The following SHOC2 variants were observed in gnomAD, a reference collection of about 807,000 sequenced individuals.
The protein encoded by SHOC2 is SHOC2 leucine rich repeat scaffold protein, also known as leucine-rich repeat protein SHOC-2.
Under a neutral mutation model 50.2 loss-of-function variants are expected in SHOC2, and 4 were observed. That is an observed-to-expected ratio of 0.08 (90% CI 0.04 to 0.18). The LOEUF (loss-of-function observed/expected upper bound fraction) is 0.18, where lower values mean the gene tolerates loss of function less well. Among genes scored for constraint, SHOC2 ranks in the 10% least tolerant of loss-of-function variants. The pLI, the probability that SHOC2 is intolerant of heterozygous loss-of-function variation, is 1.00. For synonymous variants in SHOC2, 218 were observed against 244.5 expected, an observed-to-expected ratio of 0.89 and a Z score of 1.01; for missense variants, 388 against 669.6, an observed-to-expected ratio of 0.58 and a Z score of 4.64.
chr10:110,954,554 AAAGATGCT>A (rs1847421002), intron 1 of SHOC2, among the ~76,000 whole-genome samples: 1 of 152,218 alleles, frequency 6.6e-6, no homozygotes, highest in Non-Finnish European at 1.5e-5. Context: ...AGGAACTGAT[AAAGATGCT>A]AACAGTATAT....
intron 2 of SHOC2, among the ~76,000 whole-genome samples, chr10:110,982,903 G>A (rs1046677982): frequency 6.6e-6 from 1 of 152,028 alleles, no homozygotes; most frequent in Non-Finnish European, 1.5e-5. Flanking sequence ...CATAAAATCG[G>A]TGTTAATTCA....
chr10:110,952,184 T>TA (rs1388333734), intron 1 of SHOC2, among the ~76,000 whole-genome samples: 2 of 152,178 alleles, frequency 1.3e-5, no homozygotes, highest in Admixed American at 1.3e-4. Flanking sequence ...TTTTTCCAGT[T>TA]AAATTTTTAA....
At chr10:110,927,411 C>T (rs1376849434) in intron 1 of SHOC2, among the ~76,000 whole-genome samples, 1 of 152,150 alleles carries the variant, frequency 6.6e-6, no homozygotes, top group East Asian at 1.9e-4. Context: ...GGTTTATCTA[C>T]CATGTGCTAA....
At chr10:110,954,157 C>T (rs1336021286) in intron 1 of SHOC2, among the ~76,000 whole-genome samples, 1 of 151,420 alleles carries the variant, frequency 6.6e-6, no homozygotes, top group Non-Finnish European at 1.5e-5. Flanking sequence ...ACAGTATATA[C>T]TGTTAAAATA....
intron 3 of SHOC2, among the ~76,000 whole-genome samples, chr10:110,997,636 A>T (rs1038739188): frequency 1.3e-5 from 2 of 152,234 alleles, no homozygotes; most frequent in African/African-American, 4.8e-5. Flanking sequence ...GACATACTAC[A>T]GAATGAAAAT....
At chr10:110,933,317 C>T (rs1342178907) in intron 1 of SHOC2, among the ~76,000 whole-genome samples, 2 of 151,970 alleles carry the variant, frequency 1.3e-5, no homozygotes, top group Non-Finnish European at 2.9e-5. Flanking sequence ...TGAAGGATAG[C>T]ATTGCTAACA....
chr10:110,954,012 AT>A (rs1196754943), intron 1 of SHOC2, among the ~76,000 whole-genome samples: 2 of 151,242 alleles, frequency 1.3e-5, no homozygotes, highest in African/African-American at 4.8e-5. Flanking sequence ...TTGACCAAAA[AT>A]TTGTTGAAAA....
intron 3 of SHOC2, chr10:110,988,778 C>A: frequency 3.6e-6 from 1 of 277,620 alleles, no homozygotes; most frequent in Non-Finnish European, 6.9e-6. Flanking sequence ...AATTTGAGAC[C>A]TTTCTATTAT....
chr10:110,985,976 TAA>T, intron 3 of SHOC2: 1 of 523,308 alleles, frequency 1.9e-6, no homozygotes, highest in Admixed American at 3.1e-5. Context: ...AATGGGATTA[TAA>T]AAGAGAGAGA....
chr10:110,925,050 G>A lies in SHOC2; in HGVS notation c.-235+5393G>A, dbSNP rs1474477462. ...CATGCTACTGCACTCCAGCCTAGGC[G>A]ACAGAGTGAGACTCTGTCTCAAAAA... is the stretch of plus-strand genomic sequence containing the variant. On this transcript the variant is annotated intron_variant, in intron 1 of 8. Coordinates refer to ENST00000369452, the MANE Select transcript of SHOC2 (RefSeq NM_007373.4). Among the ~76,000 whole-genome samples, 4 of 117,922 alleles carry A rather than the reference G, an allele frequency of 3.4e-5. No homozygotes were observed. In the East Asian group the frequency reaches 9.7e-4, roughly 29 times the overall value. 77.4% of individuals were successfully genotyped at this position (117,922 alleles called of 152,430 possible).
chr10:110,968,145 C>G (rs1847713291), intron 2 of SHOC2, among the ~76,000 whole-genome samples: 2 of 152,234 alleles, frequency 1.3e-5, no homozygotes, highest in South Asian at 2.1e-4. Context: ...TCCGTCTTTT[C>G]TTATTATAAC....
chr10:110,935,209 C>G (rs1281757242), intron 1 of SHOC2, among the ~76,000 whole-genome samples: 1 of 152,188 alleles, frequency 6.6e-6, no homozygotes, highest in Non-Finnish European at 1.5e-5. Flanking sequence ...ATCTTCATCA[C>G]AAACGTGAGA....
At chr10:110,939,732 A>C (rs1403695131) in intron 1 of SHOC2, among the ~76,000 whole-genome samples, 1 of 152,160 alleles carries the variant, frequency 6.6e-6, no homozygotes, top group African/African-American at 2.4e-5. Context: ...GCAAGAGAAA[A>C]AGTAGTTTTA....
At chr10:110,975,158 C>CTT (rs200869891) in intron 2 of SHOC2, among the ~76,000 whole-genome samples, 6 of 143,114 alleles carry the variant, frequency 4.2e-5, no homozygotes, top group Non-Finnish European at 7.7e-5. Flanking sequence ...TCCCATGTTA[C>CTT]TTTTTTTTTT....
At chr10:111,010,546 G>C (rs56005122) in intron 8 of SHOC2, among the ~76,000 whole-genome samples, 10,964 of 152,130 alleles carry the variant, frequency 0.072, 785 homozygotes, top group East Asian at 0.3. Flanking sequence ...GTAGCGGGAG[G>C]GGGGAAGGAT....
At chr10:110,937,285 ACT>A (rs1325668126) in intron 1 of SHOC2, 21 of 750,292 alleles carry the variant, frequency 2.8e-5, no homozygotes, top group Admixed American at 1.4e-4. Flanking sequence ...TCCAATCCTG[ACT>A]CTGTGTTTCA....
At chr10:110,980,791 C>CT (rs569076607) in intron 2 of SHOC2, among the ~76,000 whole-genome samples, 27 of 148,624 alleles carry the variant, frequency 1.8e-4, no homozygotes, top group South Asian at 8.5e-4. Context: ...TTCAAATATG[C>CT]TTTTTTTTTT....
chr10:110,975,322 A>AT (rs1847855743), intron 2 of SHOC2, among the ~76,000 whole-genome samples: 1 of 151,956 alleles, frequency 6.6e-6, no homozygotes, highest in African/African-American at 2.4e-5. Context: ...CGCCCGGCTA[A>AT]TTTTTTGTGT....
chr10:110,975,131 C>T (rs765740714), intron 2 of SHOC2, among the ~76,000 whole-genome samples: 2 of 151,654 alleles, frequency 1.3e-5, no homozygotes, highest in African/African-American at 2.4e-5. Flanking sequence ...CACTAACGTC[C>T]ATTTTCTGTT....
Sources: allele counts gnomAD v4.1 joint callset (sites outside exome capture counted in the v4.1 genomes callset), GRCh38; gene constraint gnomAD v4.1.1; transcripts MANE v1.5; gene names NCBI Gene and HGNC (gene_info 2026-07-23, HGNC 2026-07-21).